The following RP1 variants were observed in gnomAD, a reference collection of about 807,000 sequenced individuals.
The protein encoded by RP1 is oxygen-regulated protein 1.
A neutral mutation model predicts 14.8 loss-of-function variants in RP1; 16 were observed. That is an observed-to-expected ratio of 1.08 (90% CI 0.73 to 1.65). The LOEUF (loss-of-function observed/expected upper bound fraction) is 1.65, where lower values mean the gene tolerates loss of function less well. Among genes scored for constraint, RP1 ranks in the 40% most tolerant of loss-of-function variants. The probability of loss-of-function intolerance (pLI) is 0.00; values close to 1 mark genes in which losing one functional copy is unlikely to be tolerated. For missense variants in RP1, 2,631 were observed against 2,535.0 expected, an observed-to-expected ratio of 1.04 and a Z score of -0.81; for synonymous variants, 876 against 883.6, an observed-to-expected ratio of 0.99 and a Z score of 0.15.
At chr8:54,581,799 G>A (rs948794879) in intron 1 of RP1, among the ~76,000 whole-genome samples, 5 of 152,180 alleles carry the variant, frequency 3.3e-5, no homozygotes, top group Non-Finnish European at 4.4e-5. Context: ...CTGCATAAAT[G>A]TCTTCTTTTG....
chr8:54,576,863 T>C (rs1406333814), intron 1 of RP1, among the ~76,000 whole-genome samples: 2 of 152,224 alleles, frequency 1.3e-5, no homozygotes, highest in Non-Finnish European at 2.9e-5. Flanking sequence ...TGGACGGTGC[T>C]TTCTGTTGCC....
downstream of RP1, among the ~76,000 whole-genome samples, chr8:54,773,464 C>T (rs776628102): frequency 1.3e-5 from 2 of 151,904 alleles, no homozygotes; most frequent in Non-Finnish European, 2.9e-5. Flanking sequence ...TGGTGAAACT[C>T]GATCTCTACT....
chr8:54,794,208 C>T (rs1461603585), intron 24 of RP1, among the ~76,000 whole-genome samples: 1 of 151,070 alleles, frequency 6.6e-6, no homozygotes, highest in African/African-American at 2.4e-5. Flanking sequence ...ATATAAAAAA[C>T]AATCCAAAAT....
At chr8:54,833,118 A>G (rs1446386073) in intron 24 of RP1, among the ~76,000 whole-genome samples, 1 of 151,970 alleles carries the variant, frequency 6.6e-6, no homozygotes, top group East Asian at 1.9e-4. Context: ...GCAGATTTGT[A>G]TCACCTACTT....
chr8:54,586,447 G>T (rs1804925324), intron 1 of RP1, among the ~76,000 whole-genome samples: 1 of 152,198 alleles, frequency 6.6e-6, no homozygotes, highest in African/African-American at 2.4e-5. Context: ...AGGGGTCAGG[G>T]ACCCACTTGA....
chr8:54,562,291 T>C (rs1259777381), intron 1 of RP1, among the ~76,000 whole-genome samples: 2 of 152,240 alleles, frequency 1.3e-5, no homozygotes, highest in Non-Finnish European at 2.9e-5. Context: ...TTTATTAAAT[T>C]GCATGATTCA....
At chr8:54,673,585 C>G (rs1807227318) in intron 7 of RP1, among the ~76,000 whole-genome samples, 1 of 152,018 alleles carries the variant, frequency 6.6e-6, no homozygotes, top group African/African-American at 2.4e-5. Context: ...ACAAAAAACA[C>G]AAAAATTATC....
chr8:54,701,950 G>A (rs1032804926), intron 14 of RP1, among the ~76,000 whole-genome samples: 1 of 152,066 alleles, frequency 6.6e-6, no homozygotes, highest in Non-Finnish European at 1.5e-5. Flanking sequence ...CCTTGCATTT[G>A]GGAGTCAAAT....
chr8:54,845,036 T>G (rs917716445), intron 25 of RP1, among the ~76,000 whole-genome samples: 1 of 152,184 alleles, frequency 6.6e-6, no homozygotes, highest in Non-Finnish European at 1.5e-5. Context: ...TTAGGGACGG[T>G]CAGAGTCTGG....
In RP1 at chr8:54,603,781, T is replaced by C. The variant is rs545906346; in HGVS notation, c.-12-17174T>C. Among the ~76,000 whole-genome samples the C allele has an allele frequency of 2.6e-4, 39 of 152,306 alleles. 1 individual carries two copies. The highest frequency in any genetic ancestry group is 3.4e-3 in the Middle Eastern group (1 of 294). On this transcript the variant is annotated intron_variant, in intron 1 of 22. Transcript: ENST00000636932. The stretch of plus-strand genomic sequence containing the variant: ...CCCTTGTAAGTTGGATTCCTAGGTA[T>C]TTTATTCTCTTTGAAGCAATTATGA...
intron 1 of RP1, among the ~76,000 whole-genome samples, chr8:54,584,891 T>C (rs572765220): frequency 6.6e-6 from 1 of 152,220 alleles, no homozygotes; most frequent in Non-Finnish European, 1.5e-5. Context: ...AGCCTATGTG[T>C]GTCTCTGCAC....
At chr8:54,601,489 G>A (rs1472581236) in intron 1 of RP1, among the ~76,000 whole-genome samples, 1 of 151,112 alleles carries the variant, frequency 6.6e-6, no homozygotes, top group Non-Finnish European at 1.5e-5. Flanking sequence ...GAGTTAGTGG[G>A]TGCAGCGCAC....
chr8:54,656,157 G>A, exon 6 of RP1: 1 of 1,535,764 alleles, frequency 6.5e-7, no homozygotes, highest in Non-Finnish European at 8.7e-7. Context: ...GAGATCAAGA[G>A]GATGGGGAAA....
intron 22 of RP1, among the ~76,000 whole-genome samples, chr8:54,766,011 G>A (rs906447701): frequency 1.3e-4 from 20 of 152,048 alleles, no homozygotes; most frequent in Admixed American, 6.6e-4. Context: ...AAGGAAGGAA[G>A]GGAAGGAAGG....
chr8:54,656,084 T>TA lies in RP1; in HGVS notation c.1041dup (p.Gln348ThrfsTer4). ...AAAGTAATATTATTGTTATTATAGA[T>TA]ACAGCTGCATAATATGAATTCTGGA... On this transcript the variant is annotated frameshift_variant and splice_region_variant, in exon 6 of 23. Transcript: ENST00000636932. LOFTEE classifies it high-confidence loss of function. 1 of 1,523,088 alleles carries TA rather than the reference T, an allele frequency of 6.6e-7. No individual in the cohort carries two copies. The highest frequency in any genetic ancestry group is 8.8e-7 in the Non-Finnish European group (1 of 1,139,152). The allele number at this position is 1,523,088 out of a possible 1,614,324, so 94.3% of individuals were successfully genotyped here.
chr8:54,782,821 G>C (rs1461730767), intron 23 of RP1, among the ~76,000 whole-genome samples: 1 of 152,044 alleles, frequency 6.6e-6, no homozygotes, highest in African/African-American at 2.4e-5. Context: ...TTCCTGTCAT[G>C]CTCTGCTTGT....
intron 19 of RP1, among the ~76,000 whole-genome samples, chr8:54,739,790 T>G (rs1434030690): frequency 6.6e-6 from 1 of 152,114 alleles, no homozygotes; most frequent in South Asian, 2.1e-4. Flanking sequence ...ATAGGATGTT[T>G]TGATTAGCAA....
intron 24 of RP1, among the ~76,000 whole-genome samples, chr8:54,799,106 A>G (rs1810640950): frequency 1.3e-5 from 2 of 152,020 alleles, no homozygotes. Context: ...TTAAGTAGAA[A>G]AGCTTTTTAT....
At chr8:54,781,153 A>G (rs557421479) in intron 23 of RP1, 23 of 491,648 alleles carry the variant, frequency 4.7e-5, no homozygotes, top group South Asian at 3.5e-4. Flanking sequence ...ATCTCCCCCA[A>G]TTTAAGCTTG....
Sources: allele counts gnomAD v4.1 joint callset (sites outside exome capture counted in the v4.1 genomes callset), GRCh38; gene constraint gnomAD v4.1.1; transcripts MANE v1.5; gene names NCBI Gene and HGNC (gene_info 2026-07-23, HGNC 2026-07-21).